ALDH7A1: variants seen among roughly 807,000 people sequenced by gnomAD.
ALDH7A1 encodes aldehyde dehydrogenase 7 family member A1.
ALDH7A1 carries 63 observed loss-of-function variants against 79.9 expected under a neutral mutation model. The observed-to-expected ratio is 0.79, with a 90% CI of 0.64 to 0.97. The LOEUF (loss-of-function observed/expected upper bound fraction) is 0.97, where lower values mean the gene tolerates loss of function less well. Ranked by LOEUF, ALDH7A1 falls within the 50% of genes least tolerant of loss-of-function variation. The probability of loss-of-function intolerance (pLI) is 0.00; values close to 1 mark genes in which losing one functional copy is unlikely to be tolerated. For synonymous variants in ALDH7A1, 240 were observed against 231.2 expected, an observed-to-expected ratio of 1.04 and a Z score of -0.34; for missense variants, 627 against 665.2, an observed-to-expected ratio of 0.94 and a Z score of 0.63.
intron 9 of ALDH7A1, 32 bp from the exon 10 acceptor site, chr5:126,561,156 A>T (rs1349577675): frequency 6.5e-7 from 1 of 1,547,096 alleles, no homozygotes; most frequent in East Asian, 2.4e-5. Context: ...ATAAAAATTA[A>T]TGCCTACTTC....
intron 5 of ALDH7A1, among the ~76,000 whole-genome samples, chr5:126,580,619 A>T (rs1751140092): frequency 6.6e-6 from 1 of 152,216 alleles, no homozygotes; most frequent in Admixed American, 6.5e-5. Flanking sequence ...TTTCCTTATT[A>T]TAAATGTAAC....
rs369495648 is a variant in ALDH7A1, at chr5:126,546,422, C to T, written c.1490-23G>A. 7.5e-6 allele frequency: 12 copies of T among 1,610,296 alleles called. No homozygotes were observed. The African/African-American group carries it at 1.6e-4, about 22-fold the overall frequency. On this transcript the variant is annotated intron_variant, in intron 16 of 17. Coordinates refer to ENST00000409134, the MANE Select transcript of ALDH7A1 (RefSeq NM_001182.5). ...CTCCTAGAGAAATAAAAAATAATAT[C>T]ATATCTTCTGAGCAGTTTCCATGTG... is the stretch of plus-strand genomic sequence containing the variant.
At chr5:126,546,491 C>G in intron 16 of ALDH7A1, 92 bp from the exon 17 acceptor site, 3 of 1,085,590 alleles carry the variant, frequency 2.8e-6, no homozygotes, top group Non-Finnish European at 4.2e-6. Flanking sequence ...CAAAAGGACA[C>G]CAGAACAACC....
chr5:126,558,184 A>C (rs1424026716), intron 11 of ALDH7A1, among the ~76,000 whole-genome samples: 6 of 150,972 alleles, frequency 4.0e-5, no homozygotes, highest in African/African-American at 9.7e-5. Context: ...AAAAAAAAAA[A>C]AAAAAAACAC....
intron 7 of ALDH7A1, among the ~76,000 whole-genome samples, chr5:126,574,532 A>G (rs1750899556): frequency 6.6e-6 from 1 of 151,552 alleles, no homozygotes. Context: ...CATCTCTACT[A>G]AAAACACAAA....
intron 8 of ALDH7A1, chr5:126,569,431 T>C (rs1750704305): frequency 1.3e-5 from 2 of 152,166 alleles, no homozygotes; most frequent in Non-Finnish European, 2.9e-5. Flanking sequence ...ACACTACTGA[T>C]TTGAACCTCT....
At chr5:126,546,137 T>C (rs1468368068) in intron 17 of ALDH7A1, among the ~76,000 whole-genome samples, 187 bp downstream of exon 17, 1 of 152,112 alleles carries the variant, frequency 6.6e-6, no homozygotes, top group East Asian at 1.9e-4. Flanking sequence ...TGCTGGGCAC[T>C]AGCTGAAGCT....
chr5:126,554,002 G>A (rs1394441100), intron 13 of ALDH7A1, among the ~76,000 whole-genome samples: 1 of 151,532 alleles, frequency 6.6e-6, no homozygotes, highest in Non-Finnish European at 1.5e-5. Flanking sequence ...CAGCTACTCG[G>A]GAGGCTGAAG....
At chr5:126,578,652 A>AAAAAAAAG (rs1561664905) in intron 5 of ALDH7A1, among the ~76,000 whole-genome samples, 1 of 150,592 alleles carries the variant, frequency 6.6e-6, no homozygotes, top group African/African-American at 2.4e-5. Context: ...AAAAAAAAAA[A>AAAAAAAAG]AAAGAAAGAA....
At chr5:126,550,573 G>A (rs183583424) in intron 14 of ALDH7A1, among the ~76,000 whole-genome samples, 4 of 146,670 alleles carry the variant, frequency 2.7e-5, no homozygotes, top group Admixed American at 6.7e-5. Flanking sequence ...GAGCTCTTAC[G>A]TGTGTAACAC....
rs111319259 is a variant in ALDH7A1, at chr5:126,559,248, T to C, written c.1000A>G (p.Arg334Gly). Reference sequence around the variant, plus strand: ...TATGCAGATATACTCACCAGTCGCCTCGCAGTGGTACACCTCTGGCCAGCT... The same window carrying C: ...TATGCAGATATACTCACCAGTCGCCCCGCAGTGGTACACCTCTGGCCAGCT... ...GTAGQRCTTA[R>G]RLFIHESIHD... is the part of the protein sequence containing the mutation. The change falls in exon 11 of 18, where the codon AGG (arginine) becomes GGG (glycine). Residue 334 changes from arginine (R) to glycine (G), a missense_variant. Coordinates refer to ENST00000409134, the MANE Select transcript of ALDH7A1 (RefSeq NM_001182.5). 2 of 1,613,756 alleles carry C rather than the reference T, an allele frequency of 1.2e-6. No homozygotes were observed. Among genetic ancestry groups the C allele is most frequent in the Non-Finnish European group, 8.5e-7 (1 of 1,179,722 alleles).
chr5:126,592,571 G>A, intron 3 of ALDH7A1, 93 bp downstream of exon 3: 4 of 1,285,414 alleles, frequency 3.1e-6, no homozygotes, highest in Non-Finnish European at 4.5e-6. Context: ...TAACAAGGCG[G>A]CACTGACCTG....
intron 8 of ALDH7A1, 23 bp from the exon 9 acceptor site, chr5:126,568,379 G>A (rs752054063): frequency 3.1e-5 from 49 of 1,603,340 alleles, no homozygotes; most frequent in Middle Eastern, 1.7e-4. Context: ...AGACACGGTC[G>A]GCCACCCAAG....
intron 7 of ALDH7A1, among the ~76,000 whole-genome samples, chr5:126,574,704 T>A (rs1750908141): frequency 6.6e-6 from 1 of 151,364 alleles, no homozygotes; most frequent in African/African-American, 2.4e-5. Flanking sequence ...CAAAAAATAA[T>A]AATAATAATA....
chr5:126,582,972 C>T lies in ALDH7A1; in HGVS notation c.396G>A (p.Val132=). ...CTAAGATTTTCCCCATCTCCAAAGA[C>T]ACCTAGAAATATAAAACGACAAGCA... ...REKIQVLGSL[V]SLEMGKILVE... The change falls in exon 5 of 18, where the codon GTG becomes GTA. Residue 132 remains valine, a splice_region_variant and synonymous_variant. Transcript: ENST00000409134. 1.2e-6 allele frequency: 2 copies of T among 1,613,928 alleles called. No homozygotes were observed. Among genetic ancestry groups the T allele is most frequent in the Non-Finnish European group, 1.7e-6 (2 of 1,179,936 alleles).
Position 126,552,103 on chromosome 5 carries a change from G to A in ALDH7A1, c.1235C>T (p.Thr412Ile), listed in dbSNP as rs1471604421. ...ATCGTGGCCAAGACCTGTCACAATT[G>A]TCGGTTCTACATAATTTCCAGGGCG... Reference protein sequence around the residue: ...MDRPGNYVEPTIVTGLGHDAS... With the variant: ...MDRPGNYVEPIIVTGLGHDAS... The change falls in exon 14 of 18, where the codon ACA becomes ATA. Residue 412 changes from threonine (T) to isoleucine (I), a missense_variant. By Grantham distance (89) the Thr-to-Ile change is moderately conservative. Transcript: ENST00000409134. 2 of 1,614,044 alleles carry A rather than the reference G, an allele frequency of 1.2e-6. No individual in the cohort carries two copies. The highest frequency in any genetic ancestry group is 1.7e-6 in the Non-Finnish European group (2 of 1,179,964).
Position 126,571,546 on chromosome 5 carries a change from T to C in ALDH7A1, c.696-687A>G, listed in dbSNP as rs548160843. The stretch of plus-strand genomic sequence containing the variant: ...TAAATAGAAGACACGAAGCATTGTT[T>C]AGGTAGCTCAAACTGTCATTGTTTT... On this transcript the variant is annotated intron_variant, in intron 7 of 17. Transcript: ENST00000409134. Among the ~76,000 whole-genome samples, 7 of 152,030 alleles carry C rather than the reference T, an allele frequency of 4.6e-5. No homozygotes were observed. The East Asian group carries it at 1.4e-3, about 29-fold the overall frequency.
At chr5:126,568,827 G>A (rs1398569123) in intron 8 of ALDH7A1, 1 of 182,952 alleles carries the variant, frequency 5.5e-6, no homozygotes, top group Admixed American at 5.3e-5. Context: ...GCTGAGGTAG[G>A]AGGATCACTT....
rs761989973 is a variant in ALDH7A1, at chr5:126,546,404, A to C, written c.1490-5T>G. Reference sequence around the variant, plus strand: ...CACCAGTGTGCTTTTCTCCTCCTAGAGAAATAAAAAATAATATCATATCTT... The same window carrying C: ...CACCAGTGTGCTTTTCTCCTCCTAGCGAAATAAAAAATAATATCATATCTT... On this transcript the variant is annotated splice_region_variant and splice_polypyrimidine_tract_variant and intron_variant, in intron 16 of 17. Coordinates refer to ENST00000409134, the MANE Select transcript of ALDH7A1 (RefSeq NM_001182.5). The C allele has an allele frequency of 1.9e-6, 3 of 1,613,866 alleles. No homozygotes were observed. The South Asian group carries it at 3.3e-5, about 18-fold the overall frequency.
Sources: gnomAD v4.1 joint callset for allele counts (sites outside exome capture counted in the v4.1 genomes callset) on GRCh38, gnomAD v4.1.1 for gene constraint, MANE v1.5 for transcripts, NCBI Gene and HGNC (gene_info 2026-07-23, HGNC 2026-07-21) for gene names.